Variants in CNTN4 observed in about 807,000 individuals in gnomAD.
CNTN4 encodes contactin 4, also known as contactin-4.
A neutral mutation model predicts 122.5 loss-of-function variants in CNTN4; 77 were observed. That is an observed-to-expected ratio of 0.63 (90% CI 0.52 to 0.76). CNTN4 has a LOEUF of 0.76. CNTN4 is among the 30% of genes least tolerant of loss of function. The pLI is 0.00. For missense variants in CNTN4, 1,256 were observed against 1,259.1 expected (o/e 1.00, Z 0.04); for synonymous variants, 512 against 447.0 (o/e 1.15, Z -1.83).
intron 17 of CNTN4, 32 bp downstream of exon 17, chr3:3,034,822 T>C (rs1050256954): frequency 3.7e-6 from 6 of 1,612,328 alleles, no homozygotes; most frequent in Admixed American, 1.7e-5. Context: ...TCAGAGACAT[T>C]GGGAACTCAG....
chr3:2,524,680 C>T (rs2077338175), intron 3 of CNTN4, among the ~76,000 whole-genome samples: 1 of 152,078 alleles, frequency 6.6e-6, no homozygotes, highest in African/African-American at 2.4e-5. Context: ...ATGTTCCCAA[C>T]ACTTTTTGTC....
intron 3 of CNTN4, among the ~76,000 whole-genome samples, chr3:2,410,502 A>T (rs773400988): frequency 5.9e-5 from 9 of 152,184 alleles, no homozygotes; most frequent in Non-Finnish European, 1.2e-4. Flanking sequence ...TAAAATGGTA[A>T]TCCTCCATTT....
At chr3:2,243,663 G>A (rs2149628480) in intron 2 of CNTN4, among the ~76,000 whole-genome samples, 1 of 152,112 alleles carries the variant, frequency 6.6e-6, no homozygotes, top group South Asian at 2.1e-4. Context: ...AAAATGGAGT[G>A]GATGAATAGT....
At position 2,182,791 on chromosome 3, in the gene CNTN4, A is replaced by G. The variant is rs2037076179; in HGVS notation, c.-145+82152A>G. 2.0e-5 allele frequency among the ~76,000 whole-genome samples: 3 copies of G among 151,754 alleles called. No individual in the cohort carries two copies. In the South Asian group the frequency reaches 6.2e-4, roughly 32 times the overall value. On this transcript the variant is annotated intron_variant, in intron 2 of 24. Coordinates refer to ENST00000418658, the MANE Select transcript of CNTN4 (RefSeq NM_175607.3). ...TAAGTTTGTTTTTGTCTTGGTTGAGAACTGGTTCTTTTGAGATAAAGCCAC... is the reference window on the plus strand; with the variant it reads ...TAAGTTTGTTTTTGTCTTGGTTGAGGACTGGTTCTTTTGAGATAAAGCCAC...
At chr3:3,025,762 A>C (rs1698671829) in intron 14 of CNTN4, among the ~76,000 whole-genome samples, 1 of 152,148 alleles carries the variant, frequency 6.6e-6, no homozygotes, top group Non-Finnish European at 1.5e-5. Context: ...GTGAAACTGG[A>C]GAGAGACGAA....
chr3:2,444,804 A>G (rs1245697288), intron 3 of CNTN4, among the ~76,000 whole-genome samples: 2 of 151,876 alleles, frequency 1.3e-5, no homozygotes, highest in Non-Finnish European at 2.9e-5. Context: ...TGTTGCTTTT[A>G]CTTATGTGGT....
At chr3:2,339,094 A>G (rs1022627600) in intron 2 of CNTN4, 84 bp from the exon 3 acceptor site, 5 of 152,164 alleles carry the variant, frequency 3.3e-5, no homozygotes, top group African/African-American at 1.2e-4. Flanking sequence ...GACCGGGAAG[A>G]TTACAGGTAA....
chr3:2,440,075 A>G (rs2048379801), intron 3 of CNTN4, among the ~76,000 whole-genome samples: 1 of 152,208 alleles, frequency 6.6e-6, no homozygotes, highest in Non-Finnish European at 1.5e-5. Flanking sequence ...TTTTTCTTCC[A>G]TAAATATTAT....
At chr3:2,743,457 A>T (rs1189811147) in intron 5 of CNTN4, among the ~76,000 whole-genome samples, 5 of 152,190 alleles carry the variant, frequency 3.3e-5, no homozygotes, top group African/African-American at 1.2e-4. Flanking sequence ...ACACATAAAG[A>T]GGTACCTCAT....
At chr3:2,310,737 A>G (rs1409093534) in intron 2 of CNTN4, among the ~76,000 whole-genome samples, 1 of 152,158 alleles carries the variant, frequency 6.6e-6, no homozygotes, top group East Asian at 1.9e-4. Flanking sequence ...TTATCTGTGT[A>G]TATGAAAGGC....
At chr3:2,796,303 G>T (rs2092179092) in intron 6 of CNTN4, among the ~76,000 whole-genome samples, 1 of 152,006 alleles carries the variant, frequency 6.6e-6, no homozygotes, top group Non-Finnish European at 1.5e-5. Context: ...TATATTTGAA[G>T]GTTTTCTGGA....
At chr3:2,902,253 A>G (rs1481687451) in intron 11 of CNTN4, among the ~76,000 whole-genome samples, 5 of 152,126 alleles carry the variant, frequency 3.3e-5, no homozygotes, top group Admixed American at 6.6e-5. Context: ...CAGAGTGACA[A>G]ATAAGGAGGA....
rs1169210335 is a variant in CNTN4, at chr3:2,833,950, G to A, written c.454+14369G>A. On this transcript the variant is annotated intron_variant, in intron 7 of 24. Transcript: ENST00000418658. The stretch of plus-strand genomic sequence containing the variant: ...AGGTCAGGAAATCGAGACCATCCTG[G>A]CTAACACGGTGAAACCCCGTCTTAC... Among the ~76,000 whole-genome samples the A allele has an allele frequency of 3.3e-5, 5 of 152,158 alleles. No individual in the cohort carries two copies. The South Asian group carries it at 6.2e-4, about 19-fold the overall frequency.
intron 2 of CNTN4, among the ~76,000 whole-genome samples, chr3:2,305,589 T>C (rs1382325033): frequency 6.6e-6 from 1 of 152,248 alleles, no homozygotes; most frequent in Non-Finnish European, 1.5e-5. Flanking sequence ...CCAATTCATA[T>C]ACTATACTTT....
At chr3:2,645,932 C>T (rs114686816) in intron 4 of CNTN4, among the ~76,000 whole-genome samples, 2,315 of 152,284 alleles carry the variant, frequency 0.015, 22 homozygotes, top group Admixed American at 0.026. Flanking sequence ...TATATTTATT[C>T]TTCAACTGTA....
intron 13 of CNTN4, among the ~76,000 whole-genome samples, chr3:2,944,069 A>T (rs1214197182): frequency 2.6e-5 from 4 of 152,122 alleles, no homozygotes; most frequent in Non-Finnish European, 5.9e-5. Flanking sequence ...ATTTTTCCTC[A>T]GTAGCTCTAA....
At chr3:2,162,690 TA>T (rs1356091962) in intron 2 of CNTN4, among the ~76,000 whole-genome samples, 3 of 152,214 alleles carry the variant, frequency 2.0e-5, no homozygotes, top group Non-Finnish European at 4.4e-5. Flanking sequence ...TCAAAGCCCA[TA>T]ACCACGAATG....
In CNTN4 at chr3:2,385,892, A is replaced by T. The variant is rs576889401; in HGVS notation, c.-89+46659A>T. Among the ~76,000 whole-genome samples the T allele has an allele frequency of 6.6e-6, 1 of 152,030 alleles. No homozygotes were observed. Among genetic ancestry groups the T allele is most frequent in the African/African-American group, 2.4e-5 (1 of 41,422 alleles). On this transcript the variant is annotated intron_variant, in intron 3 of 24. Transcript: ENST00000418658. The surrounding 1 kb of genome is among the most constrained non-coding windows in gnomAD (Gnocchi z 4.0). ...TAGCGACACAATTCAACCCATAACA[A>T]TGTTCCATCAATATTTGATAAATGA...
chr3:2,561,253 T>G (rs1399459715), intron 3 of CNTN4, among the ~76,000 whole-genome samples: 3 of 152,184 alleles, frequency 2.0e-5, no homozygotes, highest in African/African-American at 7.2e-5. Context: ...CAGTCATTTA[T>G]TTGGGAGGTT....
Sources: gnomAD v4.1 joint callset for allele counts (sites outside exome capture counted in the v4.1 genomes callset) on GRCh38, gnomAD v4.1.1 for gene constraint, Gnocchi (gnomAD v3.1) non-coding constraint, MANE v1.5 for transcripts, NCBI Gene and HGNC (gene_info 2026-07-23, HGNC 2026-07-21) for gene names.